PPP4R4: variants seen among roughly 807,000 people sequenced by gnomAD.
The protein encoded by PPP4R4 is protein phosphatase 4 regulatory subunit 4, also known as serine/threonine-protein phosphatase 4 regulatory subunit 4.
A neutral mutation model predicts 121.8 loss-of-function variants in PPP4R4; 70 were observed. The ratio of observed to expected loss-of-function variants is 0.57; its 90% CI spans 0.47 to 0.70. The LOEUF is 0.70. Among genes scored for constraint, PPP4R4 ranks in the 30% least tolerant of loss-of-function variants. The pLI is 0.00. For synonymous variants in PPP4R4, 348 were observed against 355.7 expected, an observed-to-expected ratio of 0.98 and a Z score of 0.24; for missense variants, 875 against 1,033.6, an observed-to-expected ratio of 0.85 and a Z score of 2.10.
chr14:94,262,214 T>C (rs907253346), intron 19 of PPP4R4, among the ~76,000 whole-genome samples: 2 of 152,042 alleles, frequency 1.3e-5, no homozygotes, highest in African/African-American at 4.8e-5. Context: ...ATTGATTCTA[T>C]TTCCTTAGTA....
intron 3 of PPP4R4, among the ~76,000 whole-genome samples, chr14:94,222,983 T>C (rs1477599988): frequency 6.6e-6 from 1 of 152,166 alleles, no homozygotes; most frequent in Non-Finnish European, 1.5e-5. Context: ...TAATACACCT[T>C]CTGTCTCACT....
chr14:94,223,841 T>C (rs1358475549), intron 3 of PPP4R4, among the ~76,000 whole-genome samples: 1 of 152,168 alleles, frequency 6.6e-6, no homozygotes, highest in Admixed American at 6.5e-5. Flanking sequence ...TCTATTTATA[T>C]ACCTGCATAG....
At chr14:94,207,710 C>CTATA (rs753400733) in intron 2 of PPP4R4, among the ~76,000 whole-genome samples, 2 of 150,286 alleles carry the variant, frequency 1.3e-5, no homozygotes, top group African/African-American at 4.9e-5. Context: ...ATCTATCTAT[C>CTATA]TATATATATA....
intron 15 of PPP4R4, among the ~76,000 whole-genome samples, 189 bp downstream of exon 15, chr14:94,250,466 C>T (rs903130488): frequency 2.6e-5 from 4 of 152,026 alleles, no homozygotes; most frequent in Admixed American, 1.3e-4. Context: ...AATAATTACT[C>T]TGTTTTCTTT....
In PPP4R4 at chr14:94,253,066, A is replaced by G. The variant is rs771298309; in HGVS notation, c.1865+1170A>G. Reference sequence around the variant, plus strand: ...TTTTGTATTTTAAATGTGAGAAAATACAGAAAGCACAACTGCATTGACTTT... The same window carrying G: ...TTTTGTATTTTAAATGTGAGAAAATGCAGAAAGCACAACTGCATTGACTTT... On this transcript the variant is annotated intron_variant, in intron 16 of 24. Coordinates refer to ENST00000304338, the MANE Select transcript of PPP4R4 (RefSeq NM_058237.2). Among the ~76,000 whole-genome samples the G allele has an allele frequency of 5.3e-4, 80 of 152,368 alleles. 1 individual carries two copies. The highest frequency in any genetic ancestry group is 1.4e-3 in the Admixed American group (21 of 15,302).
chr14:94,196,311 T>C (rs1168151985), intron 2 of PPP4R4, among the ~76,000 whole-genome samples: 3 of 58,048 alleles, frequency 5.2e-5, no homozygotes, highest in African/African-American at 9.7e-5. Flanking sequence ...TTTCAAAGGT[T>C]TTTTTTTTTT....
At chr14:94,240,025 T>A (rs1318290546) in intron 8 of PPP4R4, among the ~76,000 whole-genome samples, 1 of 152,136 alleles carries the variant, frequency 6.6e-6, no homozygotes, top group Non-Finnish European at 1.5e-5. Flanking sequence ...TTCTAGATAA[T>A]AAAGAAGTGA....
intron 3 of PPP4R4, among the ~76,000 whole-genome samples, chr14:94,219,730 A>G (rs1415796296): frequency 6.6e-6 from 1 of 152,246 alleles, no homozygotes; most frequent in Non-Finnish European, 1.5e-5. Context: ...AACCTAAAAA[A>G]GGAACACCAC....
At chr14:94,262,883 G>C (rs1893857478) in intron 19 of PPP4R4, among the ~76,000 whole-genome samples, 1 of 151,798 alleles carries the variant, frequency 6.6e-6, no homozygotes, top group African/African-American at 2.4e-5. Context: ...ATTTTCACTG[G>C]GTATAGAAGT....
rs539811299 is a variant in PPP4R4, at chr14:94,240,980, A to G, written c.976+185A>G. Among the ~76,000 whole-genome samples, 46 of 152,292 alleles carry G rather than the reference A, an allele frequency of 3.0e-4. No homozygotes were observed. The East Asian group carries it at 4.0e-3, about 13-fold the overall frequency. ...ACATTTAGGAATGACTTTTTCACCAATAGAACCTATTTGAAAGAACAGTGA... is the reference window on the plus strand; with the variant it reads ...ACATTTAGGAATGACTTTTTCACCAGTAGAACCTATTTGAAAGAACAGTGA... On this transcript the variant is annotated intron_variant, in intron 9 of 24. Transcript: ENST00000304338.
intron 2 of PPP4R4, among the ~76,000 whole-genome samples, chr14:94,205,502 C>G (rs1890410465): frequency 6.6e-6 from 1 of 151,260 alleles, no homozygotes; most frequent in African/African-American, 2.4e-5. Flanking sequence ...TGTTTCCTTC[C>G]TTTTATTTTT....
intron 17 of PPP4R4, among the ~76,000 whole-genome samples, chr14:94,257,930 G>A (rs1363055461): frequency 6.6e-6 from 1 of 152,084 alleles, no homozygotes; most frequent in African/African-American, 2.4e-5. Context: ...ATATAGTGAA[G>A]CCAGTCTGTC....
rs2139682546 is a variant in PPP4R4, at chr14:94,279,344, A to ATTTATT, written c.*701_*702insTTTATT. On this transcript the variant is annotated 3_prime_UTR_variant, in exon 25 of 25. Coordinates refer to ENST00000304338, the MANE Select transcript of PPP4R4 (RefSeq NM_058237.2). ...AATTTATTTTATAAATACTTTGTTTACATTTTAGATTGTACTTGTCTTTAT... is the reference window on the plus strand; with the variant it reads ...AATTTATTTTATAAATACTTTGTTTATTTATTCATTTTAGATTGTACTTGTCTTTAT... The ATTTATT allele has an allele frequency of 6.5e-6, 1 of 152,720 alleles. No homozygotes were observed. Among genetic ancestry groups the ATTTATT allele is most frequent in the East Asian group, 1.9e-4 (1 of 5,190 alleles). 9.5% of individuals were successfully genotyped at this position (152,720 alleles called of 1,614,324 possible). A position where few individuals can be genotyped will look rare whatever the true frequency, so the allele number is the denominator to read the frequency against.
chr14:94,265,910 T>A (rs1894027146), intron 22 of PPP4R4, 23 bp downstream of exon 22: 1 of 1,407,804 alleles, frequency 7.1e-7, no homozygotes, highest in Non-Finnish European at 9.8e-7. Context: ...AGCCCTTCAA[T>A]TTTTAACATA....
At chr14:94,260,667 GTTGT>G (rs1893738414) in intron 19 of PPP4R4, among the ~76,000 whole-genome samples, 1 of 151,814 alleles carries the variant, frequency 6.6e-6, no homozygotes, top group South Asian at 2.1e-4. Flanking sequence ...TTTTAAGTGG[GTTGT>G]TTATTATTGT....
intron 2 of PPP4R4, among the ~76,000 whole-genome samples, chr14:94,196,160 C>CT (rs5810662): frequency 0.63 from 86,831 of 136,774 alleles, 28,136 homozygotes; most frequent in Admixed American, 0.73. Flanking sequence ...GCTTTTGAAT[C>CT]TTTTTTTTTT....
Position 94,275,467 on chromosome 14 carries a change from CA to C in PPP4R4, c.2544del (p.Val849LeufsTer18). On this transcript the variant is annotated frameshift_variant, in exon 24 of 25. Coordinates refer to ENST00000304338, the MANE Select transcript of PPP4R4 (RefSeq NM_058237.2). LOFTEE classifies it high-confidence loss of function. ...LPSTSRGTGN[S>X]VDPKSSGSKD... ...AGTACTTCCCGTGGGACAGGTAACT[CA>C]GTTGACCCCAAGAGCAGTGGAAGTA... is the stretch of plus-strand genomic sequence containing the variant. The C allele has an allele frequency of 6.2e-7, 1 of 1,614,056 alleles. No individual in the cohort carries two copies. The highest frequency in any genetic ancestry group is 8.5e-7 in the Non-Finnish European group (1 of 1,179,976).
At chr14:94,196,687 A>G (rs1466846412) in intron 2 of PPP4R4, among the ~76,000 whole-genome samples, 3 of 151,762 alleles carry the variant, frequency 2.0e-5, no homozygotes, top group Non-Finnish European at 2.9e-5. Flanking sequence ...GTGTTTATTC[A>G]TCTTTTTCTT....
At chr14:94,271,696 A>G (rs1416752769) in intron 23 of PPP4R4, among the ~76,000 whole-genome samples, 4 of 152,228 alleles carry the variant, frequency 2.6e-5, no homozygotes, top group African/African-American at 9.6e-5. Flanking sequence ...GGAAGAACTC[A>G]AATTGTCTTT....
Sources: allele counts gnomAD v4.1 joint callset (sites outside exome capture counted in the v4.1 genomes callset), GRCh38; gene constraint gnomAD v4.1.1; transcripts MANE v1.5; gene names NCBI Gene and HGNC (gene_info 2026-07-23, HGNC 2026-07-21).